The following TENM2 variants were observed in gnomAD, a reference collection of about 807,000 sequenced individuals.
TENM2 encodes teneurin transmembrane protein 2.
Under a neutral mutation model 245.2 loss-of-function variants are expected in TENM2, and 52 were observed. The ratio of observed to expected loss-of-function variants is 0.21; its 90% CI spans 0.17 to 0.27. The LOEUF (loss-of-function observed/expected upper bound fraction) is 0.27. Among genes scored for constraint, TENM2 ranks in the 10% least tolerant of loss-of-function variants. TENM2 has a pLI of 1.00. For synonymous variants in TENM2, 1,363 were observed against 1,438.9 expected (o/e 0.95, Z 1.19); for missense variants, 3,046 against 3,666.8 (o/e 0.83, Z 4.37).
the TENM2 span, among the ~76,000 whole-genome samples, chr5:167,218,428 CA>C: frequency 2.0e-5 from 3 of 152,018 alleles, no homozygotes; most frequent in Admixed American, 1.3e-4. Flanking sequence ...TAGGTAGGCT[CA>C]AAAAGTTTTT....
chr5:167,945,326 G>GA (rs1364768216), intron 3 of TENM2, among the ~76,000 whole-genome samples: 1 of 152,020 alleles, frequency 6.6e-6, no homozygotes, highest in Non-Finnish European at 1.5e-5. Flanking sequence ...GCACCCGGGG[G>GA]GGGCACAGAT....
At chr5:168,210,042 AC>A (rs1762668208) in intron 19 of TENM2, among the ~76,000 whole-genome samples, 1 of 152,178 alleles carries the variant, frequency 6.6e-6, no homozygotes, top group African/African-American at 2.4e-5. Flanking sequence ...CAAAGGGCTC[AC>A]CTAAAGAGTC....
chr5:167,421,174 C>A (rs551383201), intron 2 of TENM2, among the ~76,000 whole-genome samples: 1 of 152,224 alleles, frequency 6.6e-6, no homozygotes, highest in Non-Finnish European at 1.5e-5. Context: ...GGAACAAAAC[C>A]CCCACATTGT....
At chr5:167,749,869 G>A (rs915757817) in intron 2 of TENM2, among the ~76,000 whole-genome samples, 1 of 152,044 alleles carries the variant, frequency 6.6e-6, no homozygotes, top group Non-Finnish European at 1.5e-5. Context: ...TATCAATAAA[G>A]AGATCTGCCT....
intron 2 of TENM2, among the ~76,000 whole-genome samples, chr5:167,571,395 C>T (rs577952837): frequency 7.9e-5 from 12 of 152,288 alleles, no homozygotes; most frequent in Admixed American, 2.6e-4. Context: ...CATACGCTGT[C>T]ATATAAGCAT....
At chr5:167,346,971 G>T (rs1758497475) in intron 1 of TENM2, among the ~76,000 whole-genome samples, 1 of 151,924 alleles carries the variant, frequency 6.6e-6, no homozygotes, top group Middle Eastern at 3.4e-3. Flanking sequence ...ACAGGGTCTT[G>T]CCATGTTGCC....
chr5:167,369,070 C>T (rs1760243687), intron 1 of TENM2, among the ~76,000 whole-genome samples: 1 of 152,026 alleles, frequency 6.6e-6, no homozygotes, highest in East Asian at 1.9e-4. Context: ...GCAGGCTGTA[C>T]TTGGGGCTTG....
At chr5:167,179,793 T>C in the TENM2 span, among the ~76,000 whole-genome samples, 1 of 152,220 alleles carries the variant, frequency 6.6e-6, no homozygotes, top group Non-Finnish European at 1.5e-5. Flanking sequence ...TTAGCCCCTG[T>C]CAAACCAGGA....
intron 26 of TENM2, among the ~76,000 whole-genome samples, chr5:168,245,788 G>T (rs1358646690): frequency 6.6e-6 from 1 of 151,988 alleles, no homozygotes; most frequent in Non-Finnish European, 1.5e-5. Flanking sequence ...CTGTCCCCTT[G>T]GTCCTTCCTG....
intron 2 of TENM2, among the ~76,000 whole-genome samples, chr5:167,425,199 C>A (rs1763738996): frequency 6.6e-6 from 1 of 152,146 alleles, no homozygotes; most frequent in Admixed American, 6.5e-5. Context: ...CCTCCCAAGG[C>A]AGATGAGGAT....
chr5:167,893,909 G>A (rs947035799), intron 3 of TENM2, among the ~76,000 whole-genome samples: 4 of 152,124 alleles, frequency 2.6e-5, no homozygotes, highest in South Asian at 2.1e-4. Context: ...TCTTGAATAC[G>A]GTAAAATCAT....
intron 2 of TENM2, among the ~76,000 whole-genome samples, chr5:167,649,532 C>T (rs1780195539): frequency 6.6e-6 from 1 of 152,166 alleles, no homozygotes; most frequent in South Asian, 2.1e-4. Context: ...AACACACACA[C>T]ACACAGAAGT....
At chr5:167,875,945 C>A in intron 2 of TENM2, 41 bp from the exon 5 acceptor site, 2 of 1,397,250 alleles carry the variant, frequency 1.4e-6, no homozygotes, top group Non-Finnish European at 2.0e-6. Context: ...GCTCTCGTGA[C>A]ACTCATTGCT....
intron 2 of TENM2, among the ~76,000 whole-genome samples, chr5:167,855,383 A>G (rs927999380): frequency 6.6e-6 from 1 of 152,162 alleles, no homozygotes; most frequent in African/African-American, 2.4e-5. Flanking sequence ...TTTCCCTTGA[A>G]AACACACACA....
Position 167,721,050 on chromosome 5 carries a change from T to C in TENM2, c.503-154936T>C, listed in dbSNP as rs182798208. On this transcript the variant is annotated intron_variant, in intron 2 of 28. Coordinates refer to ENST00000518659, the Ensembl canonical transcript of TENM2. The stretch of plus-strand genomic sequence containing the variant: ...TTCTCATTGCCCAATCACTTAATTT[T>C]CTAAAAGAAAACTTATATCCTATCT... 1.9e-4 allele frequency among the ~76,000 whole-genome samples: 29 copies of C among 152,362 alleles called. 1 individual carries two copies. The highest frequency in any genetic ancestry group is 1.8e-3 in the Admixed American group (28 of 15,308).
the TENM2 span, among the ~76,000 whole-genome samples, chr5:167,041,705 A>G: frequency 6.6e-6 from 1 of 152,226 alleles, no homozygotes; most frequent in Non-Finnish European, 1.5e-5. Context: ...AAAAATTACA[A>G]ACGAAAGAAG....
chr5:168,111,523 A>G (rs542609521), intron 9 of TENM2, among the ~76,000 whole-genome samples: 57 of 152,282 alleles, frequency 3.7e-4, no homozygotes, highest in African/African-American at 1.2e-3. Context: ...AATCACTCCT[A>G]GCTCTCTTTC....
chr5:167,809,818 A>G (rs1358428076), intron 2 of TENM2, among the ~76,000 whole-genome samples: 1 of 152,136 alleles, frequency 6.6e-6, no homozygotes, highest in Non-Finnish European at 1.5e-5. Context: ...GGGGAATTAA[A>G]TTTTGGTGAT....
chr5:167,401,810 T>C (rs1479515552), intron 2 of TENM2, among the ~76,000 whole-genome samples: 1 of 152,190 alleles, frequency 6.6e-6, no homozygotes, highest in Non-Finnish European at 1.5e-5. Flanking sequence ...GTTTGTATTA[T>C]TGTTGGATAG....
Sources: allele counts gnomAD v4.1 joint callset (sites outside exome capture counted in the v4.1 genomes callset), GRCh38; gene constraint gnomAD v4.1.1; transcripts MANE v1.5; gene names NCBI Gene and HGNC (gene_info 2026-07-23, HGNC 2026-07-21).